SPIDR: variants seen among roughly 807,000 people sequenced by gnomAD.
The protein encoded by SPIDR is DNA repair-scaffolding protein.
A neutral mutation model predicts 104.6 loss-of-function variants in SPIDR; 93 were observed. That is an observed-to-expected ratio of 0.89 (90% CI 0.75 to 1.06). The LOEUF is 1.06. SPIDR is among the 50% of genes least tolerant of loss of function. SPIDR has a pLI of 0.00. For synonymous variants in SPIDR, 431 were observed against 416.9 expected, an observed-to-expected ratio of 1.03 and a Z score of -0.41; for missense variants, 1,154 against 1,111.2, an observed-to-expected ratio of 1.04 and a Z score of -0.55.
intron 8 of SPIDR, among the ~76,000 whole-genome samples, chr8:47,492,593 C>A (rs1185318146): frequency 1.3e-5 from 2 of 152,200 alleles, no homozygotes; most frequent in Non-Finnish European, 2.9e-5. Flanking sequence ...TTTACCTCTT[C>A]TCTGAATCAT....
intron 8 of SPIDR, among the ~76,000 whole-genome samples, chr8:47,489,527 A>G (rs1554736562): frequency 6.6e-6 from 1 of 152,234 alleles, no homozygotes; most frequent in Non-Finnish European, 1.5e-5. Flanking sequence ...GGAACCAAAA[A>G]AGAGCCACAT....
At chr8:47,568,312 A>G (rs1323738512) in intron 8 of SPIDR, among the ~76,000 whole-genome samples, 1 of 152,306 alleles carries the variant, frequency 6.6e-6, no homozygotes, top group East Asian at 1.9e-4. Flanking sequence ...CAATATGAAG[A>G]TGAAAAGTGT....
intron 19 of SPIDR, 49 bp downstream of exon 19, chr8:47,729,514 A>C: frequency 6.4e-7 from 1 of 1,557,902 alleles, no homozygotes; most frequent in Non-Finnish European, 8.7e-7. Context: ...AGTAGCCTGC[A>C]TGAGCAACTC....
chr8:47,488,356 A>G (rs1393382723), intron 8 of SPIDR, among the ~76,000 whole-genome samples: 1 of 152,236 alleles, frequency 6.6e-6, no homozygotes, highest in Non-Finnish European at 1.5e-5. Flanking sequence ...TGAGGCAATA[A>G]TTAATAGCCT....
intron 8 of SPIDR, among the ~76,000 whole-genome samples, chr8:47,504,597 G>A (rs1453625994): frequency 5.3e-5 from 8 of 152,178 alleles, no homozygotes; most frequent in South Asian, 4.2e-4. Flanking sequence ...CCTTTAGCTC[G>A]GAGTAGTTTG....
chr8:47,382,513 A>G (rs2059432320), intron 5 of SPIDR, among the ~76,000 whole-genome samples: 1 of 152,194 alleles, frequency 6.6e-6, no homozygotes, highest in African/African-American at 2.4e-5. Context: ...CCTGGGTTCA[A>G]ACGATTCTCC....
chr8:47,385,084 A>G (rs1221754035), intron 5 of SPIDR, among the ~76,000 whole-genome samples: 1 of 152,154 alleles, frequency 6.6e-6, no homozygotes, highest in African/African-American at 2.4e-5. Context: ...TTTTTAAATA[A>G]AAAATACATA....
chr8:47,530,354 G>A (rs1003443326), intron 8 of SPIDR, among the ~76,000 whole-genome samples: 2 of 152,118 alleles, frequency 1.3e-5, no homozygotes, highest in Non-Finnish European at 2.9e-5. Flanking sequence ...TGAGGCACAA[G>A]AATCACTTGA....
At chr8:47,317,568 C>T (rs1397000606) in intron 5 of SPIDR, among the ~76,000 whole-genome samples, 1 of 151,082 alleles carries the variant, frequency 6.6e-6, no homozygotes, top group African/African-American at 2.4e-5. Flanking sequence ...CCTCTGTAGA[C>T]TTAAATGTCT....
At chr8:47,378,579 A>T (rs781862151) in intron 5 of SPIDR, among the ~76,000 whole-genome samples, 10 of 152,162 alleles carry the variant, frequency 6.6e-5, no homozygotes, top group Non-Finnish European at 1.5e-4. Context: ...TACTGTGTGG[A>T]TAGTGGTGGT....
At chr8:47,661,863 C>G (rs2074167357) in intron 10 of SPIDR, among the ~76,000 whole-genome samples, 1 of 152,226 alleles carries the variant, frequency 6.6e-6, no homozygotes, top group Non-Finnish European at 1.5e-5. Flanking sequence ...AGTGGCAGAG[C>G]TGGGATCCCA....
At position 47,587,589 on chromosome 8, in the gene SPIDR, G is replaced by A. The variant is rs148219867; in HGVS notation, c.1098-8222G>A. ...GTTGCCATTGCACTCCAGCCTGGGCGACAGAGCAAGACCCTGCCTCAAAAA... is the reference window on the plus strand; with the variant it reads ...GTTGCCATTGCACTCCAGCCTGGGCAACAGAGCAAGACCCTGCCTCAAAAA... On this transcript the variant is annotated intron_variant, in intron 8 of 19. Transcript: ENST00000297423. Among the ~76,000 whole-genome samples the A allele has an allele frequency of 3.4e-3, 477 of 139,904 alleles. 3 individuals are homozygous for A. Among genetic ancestry groups the A allele is most frequent in the African/African-American group, 0.012 (451 of 37,158 alleles). The allele number at this position is 139,904 out of a possible 152,430, so 91.8% of individuals were successfully genotyped here. A position where few individuals can be genotyped will look rare whatever the true frequency, so the allele number is the denominator to read the frequency against.
At chr8:47,261,083 T>C (rs956931473) in intron 1 of SPIDR, 92 bp downstream of exon 1, 21 of 1,196,104 alleles carry the variant, frequency 1.8e-5, no homozygotes, top group Non-Finnish European at 2.2e-5. Context: ...TGTGCTGGGG[T>C]GAGAGAGGGT....
chr8:47,432,933 C>A (rs1554690124), intron 7 of SPIDR, among the ~76,000 whole-genome samples: 1 of 152,090 alleles, frequency 6.6e-6, no homozygotes, highest in Non-Finnish European at 1.5e-5. Context: ...CTGGGGAGGT[C>A]AGTTAGTGCC....
intron 8 of SPIDR, among the ~76,000 whole-genome samples, chr8:47,452,196 G>A (rs1162449030): frequency 6.6e-6 from 1 of 152,026 alleles, no homozygotes; most frequent in Non-Finnish European, 1.5e-5. Flanking sequence ...TACGTATAAG[G>A]GATCCTCAAT....
chr8:47,397,489 C>G (rs2061371488), intron 6 of SPIDR, among the ~76,000 whole-genome samples: 1 of 152,106 alleles, frequency 6.6e-6, no homozygotes, highest in Non-Finnish European at 1.5e-5. Context: ...GGGCAAGACT[C>G]CGTCTCTAAA....
chr8:47,585,517 AC>A (rs932825307), intron 8 of SPIDR, among the ~76,000 whole-genome samples: 2 of 151,982 alleles, frequency 1.3e-5, no homozygotes, highest in Admixed American at 1.3e-4. Context: ...TCCTTTCCCT[AC>A]CCCCACCCCA....
chr8:47,616,752 C>G (rs958309066), intron 10 of SPIDR, among the ~76,000 whole-genome samples: 2 of 152,164 alleles, frequency 1.3e-5, no homozygotes, highest in African/African-American at 4.8e-5. Flanking sequence ...ACCCAGTTTC[C>G]CCTGTTGTTA....
chr8:47,466,937 A>T (rs1366697591), intron 8 of SPIDR, among the ~76,000 whole-genome samples: 2 of 147,458 alleles, frequency 1.4e-5, no homozygotes, highest in Non-Finnish European at 3.0e-5. Context: ...AGATAGATAG[A>T]TAGATAGATA....
Sources: allele counts gnomAD v4.1 joint callset (sites outside exome capture counted in the v4.1 genomes callset), GRCh38; gene constraint gnomAD v4.1.1; transcripts MANE v1.5; gene names NCBI Gene and HGNC (gene_info 2026-07-23, HGNC 2026-07-21).